Variants in CARF observed in about 807,000 individuals in gnomAD.
CARF encodes calcium responsive transcription factor.
CARF carries 57 observed loss-of-function variants against 82.0 expected under a neutral mutation model. The ratio of observed to expected loss-of-function variants is 0.70; its 90% CI spans 0.56 to 0.87. The LOEUF (loss-of-function observed/expected upper bound fraction) is 0.87, where lower values mean the gene tolerates loss of function less well. Ranked by LOEUF, CARF falls within the 40% of genes least tolerant of loss-of-function variation. CARF has a pLI of 0.00. For synonymous variants in CARF, 268 were observed against 290.1 expected (o/e 0.92, Z 0.77); for missense variants, 771 against 855.8 (o/e 0.90, Z 1.24).
rs144047893 is a variant in CARF at position 202,956,261 on chromosome 2, T to G, written c.642+503T>G. Reference sequence around the variant, plus strand: ...TTTATTTATGTATTTATGTATTTATTTATTTATTTATTGAGACAGAGTCTC... The same window carrying G: ...TTTATTTATGTATTTATGTATTTATGTATTTATTTATTGAGACAGAGTCTC... On this transcript the variant is annotated intron_variant, in intron 8 of 16. Transcript: ENST00000438828. 4.7e-3 allele frequency among the ~76,000 whole-genome samples: 711 copies of G among 152,128 alleles called. 11 individuals are homozygous for G. The highest frequency in any genetic ancestry group is 0.031 in the East Asian group (163 of 5,176).
chr2:202,913,626 T>C (rs1689070943), intron 1 of CARF, among the ~76,000 whole-genome samples: 1 of 152,202 alleles, frequency 6.6e-6, no homozygotes, highest in Non-Finnish European at 1.5e-5. Flanking sequence ...AACCATGTGG[T>C]TATTGTAGTG....
At chr2:202,937,568 C>G (rs1014216000) in intron 3 of CARF, among the ~76,000 whole-genome samples, 1 of 151,568 alleles carries the variant, frequency 6.6e-6, no homozygotes, top group Non-Finnish European at 1.5e-5. Context: ...TTTTCTCTTC[C>G]CTTCTATAAT....
chr2:202,981,812 T>A, intron 15 of CARF, 127 bp downstream of exon 15: 3 of 1,033,536 alleles, frequency 2.9e-6, no homozygotes, highest in South Asian at 1.7e-5. Flanking sequence ...GTTTTCATTG[T>A]TAATTTCCTG....
chr2:202,976,341 AT>A (rs2060027814), intron 13 of CARF, among the ~76,000 whole-genome samples: 1 of 151,794 alleles, frequency 6.6e-6, no homozygotes, highest in African/African-American at 2.4e-5. Context: ...TGCCCGGCTA[AT>A]TTTTTTGTTT....
chr2:202,915,119 C>T (rs1370452017), intron 1 of CARF, among the ~76,000 whole-genome samples: 8 of 151,232 alleles, frequency 5.3e-5, no homozygotes, highest in African/African-American at 1.7e-4. Flanking sequence ...CAGGTTGAAG[C>T]GATTCTCCTG....
At chr2:202,954,177 T>A (rs759338376) in intron 7 of CARF, 43 bp downstream of exon 7, 28 of 1,585,920 alleles carry the variant, frequency 1.8e-5, no homozygotes, top group Non-Finnish European at 2.4e-5. Context: ...AATATCACCA[T>A]GGAAATCTTT....
chr2:202,983,087 C>T (rs1002722116), intron 16 of CARF, among the ~76,000 whole-genome samples: 40 of 151,820 alleles, frequency 2.6e-4, no homozygotes, highest in Admixed American at 2.6e-3. Context: ...CAGCCTGTTG[C>T]GCAGGCTGGT....
rs1035431288 is a variant in CARF, at chr2:202,917,160, G to A, written c.-329-717G>A. Among the ~76,000 whole-genome samples the A allele has an allele frequency of 2.0e-4, 24 of 118,066 alleles. No individual in the cohort carries two copies. In the East Asian group the frequency reaches 5.9e-3, roughly 29 times the overall value. 77.5% of individuals were successfully genotyped at this position (118,066 alleles called of 152,430 possible). A position where few individuals can be genotyped will look rare whatever the true frequency, so the allele number is the denominator to read the frequency against. On this transcript the variant is annotated intron_variant, in intron 1 of 16. Transcript: ENST00000438828. ...CGGGAGGCGGAGCTTGCAGTGAGCC[G>A]AGATCCCGCCACTGCACTCCAGCCT...
At position 202,986,873 on chromosome 2, in the gene CARF, T is replaced by TATATATATATAC; in HGVS notation, c.*3260_*3261insCATATATATATA. On this transcript the variant is annotated 3_prime_UTR_variant, in exon 17 of 17. Coordinates refer to ENST00000438828, the MANE Select transcript of CARF (RefSeq NM_024744.17). ...GGTTTAAAAAATGTCTGTGCGTATA[T>TATATATATATAC]ATATATATATATATATATATATATA... The TATATATATATAC allele has an allele frequency of 1.4e-5, 1 of 69,144 alleles. No individual in the cohort carries two copies. Among genetic ancestry groups the TATATATATATAC allele is most frequent in the African/African-American group, 5.6e-5 (1 of 17,924 alleles). 4.3% of individuals were successfully genotyped at this position (69,144 alleles called of 1,614,324 possible).
At position 202,986,129 on chromosome 2, in the gene CARF, A is replaced by G. The variant is rs2060420339; in HGVS notation, c.*2505A>G. 1 of 152,142 alleles carries G rather than the reference A, an allele frequency of 6.6e-6. No individual in the cohort carries two copies. The highest frequency in any genetic ancestry group is 1.5e-5 in the Non-Finnish European group (1 of 67,984). 9.4% of individuals were successfully genotyped at this position (152,142 alleles called of 1,614,324 possible). ...TTTTAGGTAGAAACTGGAGCTATCA[A>G]TATTTTCATGTAAGTATTTCAAGGA... is the stretch of plus-strand genomic sequence containing the variant. On this transcript the variant is annotated 3_prime_UTR_variant, in exon 17 of 17. Coordinates refer to ENST00000438828, the MANE Select transcript of CARF (RefSeq NM_024744.17).
At chr2:202,929,584 T>C (rs1312449619) in intron 3 of CARF, among the ~76,000 whole-genome samples, 1 of 152,236 alleles carries the variant, frequency 6.6e-6, no homozygotes, top group Non-Finnish European at 1.5e-5. Flanking sequence ...TTTGGTTATA[T>C]AGCTTTGTAA....
chr2:202,947,139 G>T (rs1045590069), intron 5 of CARF, among the ~76,000 whole-genome samples: 22 of 152,064 alleles, frequency 1.4e-4, no homozygotes, highest in African/African-American at 5.1e-4. Flanking sequence ...TATACCCAAA[G>T]GATTATAAAT....
chr2:202,972,776 C>T (rs1053443491), intron 12 of CARF, among the ~76,000 whole-genome samples: 6 of 151,218 alleles, frequency 4.0e-5, no homozygotes, highest in Non-Finnish European at 8.8e-5. Flanking sequence ...TAGCCTTGCT[C>T]TTACTGATTA....
Position 202,942,910 on chromosome 2 carries a change from A to G in CARF, c.249A>G (p.Gln83=), listed in dbSNP as rs549597577. 9.3e-6 allele frequency: 15 copies of G among 1,614,184 alleles called. No individual in the cohort carries two copies. In the South Asian group the frequency reaches 1.6e-4, roughly 18 times the overall value. ...CAGAGCAATTCCATCTAGTGGACCA[A>G]AATGGGCAGGCTATTCAATATGAAC... ...LSAEQFHLVD[Q]NGQAIQYELQ... The change falls in exon 5 of 17, where the codon CAA becomes CAG. Residue 83 remains glutamine (Q), a synonymous_variant. Coordinates refer to ENST00000438828, the MANE Select transcript of CARF (RefSeq NM_024744.17).
intron 9 of CARF, among the ~76,000 whole-genome samples, chr2:202,966,418 A>T (rs2059550552): frequency 6.6e-6 from 1 of 152,226 alleles, no homozygotes; most frequent in East Asian, 1.9e-4. Context: ...TGGTATAAAA[A>T]CCATATGTCA....
chr2:202,928,048 G>A (rs1692191080), intron 3 of CARF, among the ~76,000 whole-genome samples: 1 of 152,096 alleles, frequency 6.6e-6, no homozygotes, highest in Admixed American at 6.6e-5. Flanking sequence ...CTCCCAAAAT[G>A]CTAGGATTAC....
chr2:202,914,101 T>C lies in CARF; in HGVS notation c.-330+999T>C, dbSNP rs545321267. 2.6e-4 allele frequency among the ~76,000 whole-genome samples: 40 copies of C among 152,336 alleles called. No individual in the cohort carries two copies. In the East Asian group the frequency reaches 6.6e-3, roughly 25 times the overall value. ...TGTTGCCTCCAAACAGTACCTAGGA[T>C]AGCTGATGCTTTTACTTTGAGTCTT... On this transcript the variant is annotated intron_variant, in intron 1 of 16. Coordinates refer to ENST00000438828, the MANE Select transcript of CARF (RefSeq NM_024744.17).
chr2:202,971,637 T>C lies in CARF; in HGVS notation c.1230T>C (p.Asn410=), dbSNP rs2059794260. Residue 410 remains asparagine, a synonymous_variant, in exon 12 of 17, where the codon AAT becomes AAC. Coordinates refer to ENST00000438828, the MANE Select transcript of CARF (RefSeq NM_024744.17). ...EEEETAVRDE[N]CALPSRLHPQ... ...AGGAAACTGCAGTTAGAGATGAGAA[T>C]TGTGCATTACCCTCACGTTTACATC... 3 of 1,613,678 alleles carry C rather than the reference T, an allele frequency of 1.9e-6. No individual in the cohort carries two copies. Among genetic ancestry groups the C allele is most frequent in the Non-Finnish European group, 2.5e-6 (3 of 1,179,744 alleles).
rs2060091329 is a variant in CARF, at chr2:202,977,736, G to A, written c.1558+404G>A. On this transcript the variant is annotated intron_variant, in intron 14 of 16. Transcript: ENST00000438828. The stretch of plus-strand genomic sequence containing the variant: ...TTCCACCCTTTTGCATTTCTTCTCT[G>A]TTCTGGAAATGTCTTTTTTCTTATG... Among the ~76,000 whole-genome samples, 3 of 152,096 alleles carry A rather than the reference G, an allele frequency of 2.0e-5. No individual in the cohort carries two copies. In the South Asian group the frequency reaches 6.2e-4, roughly 31 times the overall value.
Sources: allele counts gnomAD v4.1 joint callset (sites outside exome capture counted in the v4.1 genomes callset), GRCh38; gene constraint gnomAD v4.1.1; transcripts MANE v1.5; gene names NCBI Gene and HGNC (gene_info 2026-07-23, HGNC 2026-07-21).